CERS6: variants seen among roughly 807,000 people sequenced by gnomAD.
CERS6 encodes ceramide synthase 6, also known as LAG1 homolog, ceramide synthase 6.
A neutral mutation model predicts 56.8 loss-of-function variants in CERS6; 26 were observed. That is an observed-to-expected ratio of 0.46 (90% CI 0.34 to 0.63). The LOEUF (loss-of-function observed/expected upper bound fraction) is 0.63, where lower values mean the gene tolerates loss of function less well. Ranked by LOEUF, CERS6 falls within the 30% of genes least tolerant of loss-of-function variation. The probability of loss-of-function intolerance (pLI) is 0.01; values close to 1 mark genes in which losing one functional copy is unlikely to be tolerated. For missense variants in CERS6, 415 were observed against 467.5 expected, an observed-to-expected ratio of 0.89 and a Z score of 1.04; for synonymous variants, 164 against 173.3, an observed-to-expected ratio of 0.95 and a Z score of 0.42.
intron 4 of CERS6, among the ~76,000 whole-genome samples, chr2:168,632,878 G>C (rs781512517): frequency 2.3e-4 from 35 of 152,058 alleles, no homozygotes; most frequent in Non-Finnish European, 4.9e-4. Flanking sequence ...GCACGTTTTT[G>C]CTCTTTTCCT....
At chr2:168,495,787 T>C (rs1292761218) in intron 1 of CERS6, among the ~76,000 whole-genome samples, 1 of 152,202 alleles carries the variant, frequency 6.6e-6, no homozygotes, top group Non-Finnish European at 1.5e-5. Flanking sequence ...TCATTCTCCT[T>C]TCAGGGGGGG....
At chr2:168,766,288 C>T in intron 9 of CERS6, 1 of 1,594,200 alleles carries the variant, frequency 6.3e-7, no homozygotes, top group Non-Finnish European at 8.5e-7. Context: ...CATTTTCTTA[C>T]TTGTTTGTTC....
chr2:168,620,835 T>C (rs1185868166), intron 3 of CERS6, among the ~76,000 whole-genome samples: 1 of 148,542 alleles, frequency 6.7e-6, no homozygotes, highest in African/African-American at 2.5e-5. Flanking sequence ...TGATCACAGC[T>C]CACTGCAGCC....
At chr2:168,465,754 A>C (rs1206431127) in intron 1 of CERS6, among the ~76,000 whole-genome samples, 1 of 152,162 alleles carries the variant, frequency 6.6e-6, no homozygotes, top group Non-Finnish European at 1.5e-5. Context: ...TCAGTTTTGC[A>C]AGATGGAAAG....
intron 6 of CERS6, among the ~76,000 whole-genome samples, chr2:168,702,369 T>C (rs1002480910): frequency 5.3e-5 from 8 of 152,250 alleles, no homozygotes; most frequent in African/African-American, 1.9e-4. Flanking sequence ...CCAACTTGTG[T>C]ATTTGACAGA....
chr2:168,540,910 T>C (rs1695356196), intron 1 of CERS6, among the ~76,000 whole-genome samples: 1 of 152,202 alleles, frequency 6.6e-6, no homozygotes, highest in Admixed American at 6.5e-5. Context: ...TTAGCCTGTT[T>C]TGTGTTGCTC....
In CERS6 at chr2:168,631,550, T is replaced by TTAATATTTATATATTAAATATATATA. The variant is rs1684722845; in HGVS notation, c.465+509_465+510insAATATTTATATATTAAATATATATAT. On this transcript the variant is annotated intron_variant, in intron 4 of 9. Coordinates refer to ENST00000305747, the MANE Select transcript of CERS6 (RefSeq NM_203463.3). ...TAAATACATATTAAATATATTATAT[T>TTAATATTTATATATTAAATATATATA]TTTAATATTTATATATTAAATATAA... Among the ~76,000 whole-genome samples, 3 of 48,772 alleles carry TTAATATTTATATATTAAATATATATA rather than the reference T, an allele frequency of 6.2e-5. 1 individual carries two copies. The highest frequency in any genetic ancestry group is 1.1e-4 in the Non-Finnish European group (3 of 26,992). The allele number at this position is 48,772 out of a possible 152,430, so 32.0% of individuals were successfully genotyped here. A position where few individuals can be genotyped will look rare whatever the true frequency, so the allele number is the denominator to read the frequency against.
chr2:168,532,384 T>C (rs1695185129), intron 1 of CERS6, among the ~76,000 whole-genome samples: 1 of 152,142 alleles, frequency 6.6e-6, no homozygotes, highest in Admixed American at 6.6e-5. Context: ...TTAACTATAT[T>C]TATTTAGTGT....
At chr2:168,588,273 C>T (rs757433967) in intron 3 of CERS6, among the ~76,000 whole-genome samples, 1 of 152,042 alleles carries the variant, frequency 6.6e-6, no homozygotes. Context: ...TACCGTCTTA[C>T]CCATTTTTAA....
At chr2:168,507,875 T>G (rs990085302) in intron 1 of CERS6, among the ~76,000 whole-genome samples, 1 of 152,212 alleles carries the variant, frequency 6.6e-6, no homozygotes, top group Non-Finnish European at 1.5e-5. Context: ...CTGGGAAAGT[T>G]TTTTTTCAGA....
At chr2:168,616,771 G>A (rs1338294866) in intron 3 of CERS6, among the ~76,000 whole-genome samples, 1 of 152,034 alleles carries the variant, frequency 6.6e-6, no homozygotes, top group African/African-American at 2.4e-5. Flanking sequence ...GAGATAGATG[G>A]CAACACAGTA....
intron 9 of CERS6, chr2:168,766,270 C>G: frequency 6.4e-7 from 1 of 1,568,474 alleles, no homozygotes; most frequent in Non-Finnish European, 8.7e-7. Flanking sequence ...CCAGATCATT[C>G]TCTGTGACAT....
rs570307260 is a variant in CERS6, at chr2:168,579,272, T to TG, written c.407+17957dup. On this transcript the variant is annotated intron_variant, in intron 3 of 9. Transcript: ENST00000305747. Reference sequence around the variant, plus strand: ...GTGATTGTCAAGGAGCCCGTGGAGTTGGGGGGGCACTGGAGAGCAGCCCTC... The same window carrying TG: ...GTGATTGTCAAGGAGCCCGTGGAGTTGGGGGGGGCACTGGAGAGCAGCCCTC... Among the ~76,000 whole-genome samples, 165 of 152,206 alleles carry TG rather than the reference T, an allele frequency of 1.1e-3. 1 individual carries two copies. The highest frequency in any genetic ancestry group is 3.4e-3 in the Middle Eastern group (1 of 294).
chr2:168,657,690 T>C (rs1345738523), intron 4 of CERS6, among the ~76,000 whole-genome samples: 2 of 152,086 alleles, frequency 1.3e-5, no homozygotes, highest in Admixed American at 6.5e-5. Flanking sequence ...GGGTGCTAAG[T>C]CCCCCATTGC....
intron 1 of CERS6, among the ~76,000 whole-genome samples, chr2:168,523,653 A>G (rs1695022490): frequency 6.6e-6 from 1 of 152,088 alleles, no homozygotes; most frequent in African/African-American, 2.4e-5. Flanking sequence ...TGGAATAACT[A>G]CAGTGTCAAG....
intron 6 of CERS6, among the ~76,000 whole-genome samples, chr2:168,704,269 C>T (rs973368999): frequency 6.6e-6 from 1 of 152,222 alleles, no homozygotes; most frequent in Non-Finnish European, 1.5e-5. Context: ...CTGCAGAGGG[C>T]TGCAGCATTA....
intron 1 of CERS6, among the ~76,000 whole-genome samples, chr2:168,474,125 C>G: frequency 6.6e-6 from 1 of 152,110 alleles, no homozygotes; most frequent in Non-Finnish European, 1.5e-5. Context: ...ACTTATTTGT[C>G]TTTTTTCCAC....
intron 4 of CERS6, among the ~76,000 whole-genome samples, chr2:168,656,292 T>G (rs1184260871): frequency 1.3e-5 from 2 of 152,208 alleles, no homozygotes; most frequent in Non-Finnish European, 2.9e-5. Flanking sequence ...CTTTATAAAT[T>G]TTTTGGTGAA....
intron 4 of CERS6, among the ~76,000 whole-genome samples, chr2:168,670,894 T>C (rs981776377): frequency 4.0e-5 from 6 of 151,172 alleles, no homozygotes; most frequent in Non-Finnish European, 8.8e-5. Flanking sequence ...TCTGTCTGTT[T>C]GGTTTTGTTC....
Sources: allele counts gnomAD v4.1 joint callset (sites outside exome capture counted in the v4.1 genomes callset), GRCh38; gene constraint gnomAD v4.1.1; transcripts MANE v1.5; gene names NCBI Gene and HGNC (gene_info 2026-07-23, HGNC 2026-07-21).